USP45: variants seen among roughly 807,000 people sequenced by gnomAD.
The protein encoded by USP45 is ubiquitin specific peptidase 45.
A neutral mutation model predicts 95.8 loss-of-function variants in USP45; 89 were observed. That is an observed-to-expected ratio of 0.93 (90% CI 0.78 to 1.11). USP45 has a LOEUF of 1.11. USP45 is among the 50% of genes least tolerant of loss of function. The probability of loss-of-function intolerance (pLI) is 0.00; values close to 1 mark genes in which losing one functional copy is unlikely to be tolerated. For synonymous variants in USP45, 281 were observed against 316.2 expected (o/e 0.89, Z 1.18); for missense variants, 898 against 942.5 (o/e 0.95, Z 0.62).
chr6:99,434,417 GA>G lies in USP45; in HGVS notation c.*1298del, dbSNP rs1206840887. On this transcript the variant is annotated 3_prime_UTR_variant, in exon 18 of 18. Transcript: ENST00000500704. ...TGCACTATCATTCATTGGCACTAAT[GA>G]TTAGGATGCTTGAACCATGCAGTTT... The G allele has an allele frequency of 6.6e-6, 1 of 152,148 alleles. No homozygotes were observed. The highest frequency in any genetic ancestry group is 2.4e-5 in the African/African-American group (1 of 41,436). The allele number at this position is 152,148 out of a possible 1,614,324, so 9.4% of individuals were successfully genotyped here.
chr6:99,508,339 A>C (rs1798994929), intron 3 of USP45, among the ~76,000 whole-genome samples: 1 of 152,252 alleles, frequency 6.6e-6, no homozygotes, highest in Non-Finnish European at 1.5e-5. Flanking sequence ...AAGTAAATAC[A>C]AAAGGTAAAG....
chr6:99,436,953 T>C (rs1780600495), intron 17 of USP45, among the ~76,000 whole-genome samples: 2 of 152,098 alleles, frequency 1.3e-5, no homozygotes, highest in Non-Finnish European at 2.9e-5. Context: ...TATAAAAAAT[T>C]AGTCACGTGT....
At chr6:99,461,000 G>A (rs1362591783) in intron 13 of USP45, 1 of 985,278 alleles carries the variant, frequency 1.0e-6, no homozygotes, top group Non-Finnish European at 1.2e-6. Context: ...AGCTTAATTG[G>A]CAAAACGCTG....
intron 13 of USP45, chr6:99,462,702 C>T: frequency 1.0e-6 from 1 of 986,816 alleles, no homozygotes; most frequent in Non-Finnish European, 1.2e-6. Context: ...AATTCAGGCC[C>T]AGCGCTGTGG....
chr6:99,465,377 G>A (rs1787672640), intron 11 of USP45, among the ~76,000 whole-genome samples: 2 of 151,980 alleles, frequency 1.3e-5, no homozygotes, highest in Admixed American at 1.3e-4. Context: ...TGACTGGCCT[G>A]TAATATTTAA....
chr6:99,464,972 T>C, intron 12 of USP45, 108 bp downstream of exon 12: 2 of 1,016,926 alleles, frequency 2.0e-6, no homozygotes, highest in Non-Finnish European at 1.4e-6. Context: ...CTCAATTATA[T>C]ATAAAAAATA....
intron 11 of USP45, 62 bp from the exon 12 acceptor site, chr6:99,465,198 A>G (rs1787626265): frequency 7.1e-7 from 1 of 1,405,196 alleles, no homozygotes; most frequent in Non-Finnish European, 9.7e-7. Context: ...ACAGTTTTGT[A>G]AAGTACAAAG....
chr6:99,445,545 C>T (rs1240166539), intron 14 of USP45, among the ~76,000 whole-genome samples: 2 of 151,672 alleles, frequency 1.3e-5, no homozygotes, highest in Non-Finnish European at 2.9e-5. Flanking sequence ...AGGTAGTTCC[C>T]TCAAATAAGA....
chr6:99,510,317 A>G, intron 1 of USP45, 87 bp from the exon 2 acceptor site: 1 of 838,448 alleles, frequency 1.2e-6, no homozygotes, highest in Admixed American at 2.5e-5. Flanking sequence ...TAAAACTGAA[A>G]TGACTTCAAT....
intron 1 of USP45, among the ~76,000 whole-genome samples, chr6:99,512,386 A>G (rs1267252091): frequency 6.6e-6 from 1 of 152,200 alleles, no homozygotes; most frequent in Non-Finnish European, 1.5e-5. Flanking sequence ...AATGTCTCAC[A>G]CTGAATTTGT....
chr6:99,488,146 G>T (rs1794401948), intron 7 of USP45, 54 bp downstream of exon 7: 2 of 1,211,618 alleles, frequency 1.7e-6, no homozygotes, highest in Middle Eastern at 1.9e-4. Flanking sequence ...AGAGATTTTG[G>T]TAACATCAGT....
At chr6:99,475,368 G>C (rs932700867) in intron 9 of USP45, among the ~76,000 whole-genome samples, 92 of 147,364 alleles carry the variant, frequency 6.2e-4, no homozygotes, top group African/African-American at 2.3e-3. Context: ...CCAGGCTGGA[G>C]TGCAGTGGCA....
chr6:99,502,252 C>A (rs568076865), intron 5 of USP45, among the ~76,000 whole-genome samples: 1 of 152,218 alleles, frequency 6.6e-6, no homozygotes, highest in Non-Finnish European at 1.5e-5. Flanking sequence ...GACACAGAAG[C>A]TTCACATTTG....
Position 99,435,646 on chromosome 6 carries a change from A to C in USP45, c.*70T>G. 7.3e-7 allele frequency: 1 copy of C among 1,372,308 alleles called. No homozygotes were observed. The highest frequency in any genetic ancestry group is 9.9e-7 in the Non-Finnish European group (1 of 1,011,554). 85.0% of individuals were successfully genotyped at this position (1,372,308 alleles called of 1,614,324 possible). A position where few individuals can be genotyped will look rare whatever the true frequency, so the allele number is the denominator to read the frequency against. On this transcript the variant is annotated 3_prime_UTR_variant, in exon 18 of 18. Coordinates refer to ENST00000500704, the MANE Select transcript of USP45 (RefSeq NM_001346022.3). Reference sequence around the variant, plus strand: ...ACAGAAGAGGGAAGACTAGAAAGGCACATTATATATTATAGTTATCACTGT... The same window carrying C: ...ACAGAAGAGGGAAGACTAGAAAGGCCCATTATATATTATAGTTATCACTGT...
intron 2 of USP45, 88 bp from the exon 3 acceptor site, chr6:99,508,870 T>TTTTTA: frequency 8.4e-7 from 1 of 1,191,764 alleles, no homozygotes; most frequent in Non-Finnish European, 1.1e-6. Context: ...TATTAAATGC[T>TTTTTA]GTTAACTAAA....
intron 13 of USP45, among the ~76,000 whole-genome samples, chr6:99,454,029 C>G (rs982072965): frequency 1.1e-4 from 17 of 152,186 alleles, no homozygotes; most frequent in African/African-American, 4.1e-4. Flanking sequence ...CAATCCTGGG[C>G]AAAAGGGAGA....
At chr6:99,479,030 A>C (rs1791624084) in intron 8 of USP45, among the ~76,000 whole-genome samples, 1 of 151,682 alleles carries the variant, frequency 6.6e-6, no homozygotes, top group African/African-American at 2.4e-5. Flanking sequence ...AAAACAGGTA[A>C]GGGGTATACC....
At chr6:99,492,009 AATT>A (rs1222618326) in intron 5 of USP45, among the ~76,000 whole-genome samples, 3 of 152,226 alleles carry the variant, frequency 2.0e-5, no homozygotes, top group Admixed American at 6.5e-5. Flanking sequence ...CCTAGAAATA[AATT>A]ATATTTTAAT....
At chr6:99,487,527 C>A (rs920089181) in intron 7 of USP45, among the ~76,000 whole-genome samples, 1 of 151,486 alleles carries the variant, frequency 6.6e-6, no homozygotes, top group African/African-American at 2.4e-5. Context: ...TGGTGGCTCA[C>A]GCCTGTAATC....
Sources: allele counts gnomAD v4.1 joint callset (sites outside exome capture counted in the v4.1 genomes callset), GRCh38; gene constraint gnomAD v4.1.1; transcripts MANE v1.5; gene names NCBI Gene and HGNC (gene_info 2026-07-23, HGNC 2026-07-21).